Variants in GRM5 observed in about 807,000 individuals in gnomAD.
The protein encoded by GRM5 is glutamate metabotropic receptor 5, also known as metabotropic glutamate receptor 5.
GRM5 carries 19 observed loss-of-function variants against 83.1 expected under a neutral mutation model. The observed-to-expected ratio is 0.23, with a 90% CI of 0.16 to 0.34. The LOEUF (loss-of-function observed/expected upper bound fraction) is 0.34. Among genes scored for constraint, GRM5 ranks in the 10% least tolerant of loss-of-function variants. The probability of loss-of-function intolerance (pLI) is 1.00; values close to 1 mark genes in which losing one functional copy is unlikely to be tolerated. For missense variants in GRM5, 1,160 were observed against 1,588.3 expected (o/e 0.73, Z 4.58); for synonymous variants, 675 against 633.6 (o/e 1.07, Z -0.98).
chr11:88,954,198 T>C (rs938342833), intron 2 of GRM5, among the ~76,000 whole-genome samples: 1 of 152,184 alleles, frequency 6.6e-6, no homozygotes, highest in Non-Finnish European at 1.5e-5. Flanking sequence ...ATACCAGTCA[T>C]GTGGTGCCTT....
chr11:88,714,910 C>G (rs1207540612), intron 3 of GRM5, among the ~76,000 whole-genome samples: 2 of 151,440 alleles, frequency 1.3e-5, no homozygotes, highest in Non-Finnish European at 3.0e-5. Flanking sequence ...GTTTTGGACC[C>G]TAACCTCTGA....
chr11:88,772,799 A>G (rs1001966160), intron 3 of GRM5, among the ~76,000 whole-genome samples: 1 of 152,140 alleles, frequency 6.6e-6, no homozygotes, highest in Non-Finnish European at 1.5e-5. Context: ...TTATGGCTGC[A>G]TAGTATTCCA....
intron 8 of GRM5, among the ~76,000 whole-genome samples, chr11:88,566,723 A>G (rs1295873053): frequency 6.6e-6 from 1 of 152,232 alleles, no homozygotes; most frequent in East Asian, 1.9e-4. Context: ...AACCCACAGT[A>G]TAACTCTGTC....
chr11:89,065,387 T>C (rs561247609), intron 1 of GRM5, among the ~76,000 whole-genome samples: 94 of 147,742 alleles, frequency 6.4e-4, no homozygotes, highest in Middle Eastern at 3.5e-3. Flanking sequence ...GATCTTTATC[T>C]TTTCCTCCTC....
chr11:88,566,962 C>T, intron 8 of GRM5, 91 bp downstream of exon 8: 1 of 798,478 alleles, frequency 1.3e-6, no homozygotes, highest in East Asian at 2.6e-5. Flanking sequence ...TTTCATTTAC[C>T]CAGATTTCTC....
At chr11:88,867,664 C>A (rs779069414) in intron 2 of GRM5, among the ~76,000 whole-genome samples, 3 of 151,428 alleles carry the variant, frequency 2.0e-5, no homozygotes, top group Non-Finnish European at 3.0e-5. Context: ...GGTCCCTAAT[C>A]TAGCTGAATG....
At position 89,047,084 on chromosome 11, in the gene GRM5, A is replaced by C. The variant is rs756437324; in HGVS notation, c.661+128T>G. 1.4e-6 allele frequency: 1 copy of C among 696,984 alleles called. No individual in the cohort carries two copies. Among genetic ancestry groups the C allele is most frequent in the Non-Finnish European group, 2.4e-6 (1 of 409,470 alleles). The allele number at this position is 696,984 out of a possible 1,614,324, so 43.2% of individuals were successfully genotyped here. On this transcript the variant is annotated intron_variant, in intron 2 of 9. Transcript: ENST00000305447. This position sits in a 1 kb window ranked among gnomAD's most constrained non-coding sequence, Gnocchi z 5.1. ...TATATGCCATCCAGTCTGTTCTTAT[A>C]GTACTGGTATAACTCGGACAATTCA...
At chr11:88,814,428 A>C (rs1943635619) in intron 3 of GRM5, among the ~76,000 whole-genome samples, 1 of 152,208 alleles carries the variant, frequency 6.6e-6, no homozygotes, top group Non-Finnish European at 1.5e-5. Flanking sequence ...ATACAGTCTG[A>C]AAGTATTGAA....
chr11:88,707,149 G>C (rs1156380637), intron 3 of GRM5, among the ~76,000 whole-genome samples: 1 of 151,836 alleles, frequency 6.6e-6, no homozygotes, highest in East Asian at 1.9e-4. Flanking sequence ...GAGTGTATGG[G>C]GTTCACTCCT....
chr11:88,854,110 TA>T (rs1944432634), intron 2 of GRM5, among the ~76,000 whole-genome samples: 1 of 145,602 alleles, frequency 6.9e-6, no homozygotes. Flanking sequence ...CTAAAAACCC[TA>T]AAAAATGGGT....
chr11:89,048,545 A>G (rs528908733), intron 1 of GRM5, among the ~76,000 whole-genome samples: 2 of 152,364 alleles, frequency 1.3e-5, no homozygotes, highest in South Asian at 4.1e-4. Context: ...GTAATTAATT[A>G]TGCAATTACA....
At chr11:88,850,894 G>A (rs566802140) in intron 2 of GRM5, among the ~76,000 whole-genome samples, 1 of 152,014 alleles carries the variant, frequency 6.6e-6, no homozygotes, top group Non-Finnish European at 1.5e-5. Flanking sequence ...GATTAATATT[G>A]ACAGTCAGCT....
intron 2 of GRM5, among the ~76,000 whole-genome samples, chr11:88,906,191 C>T (rs1448749311): frequency 6.6e-6 from 1 of 152,142 alleles, no homozygotes; most frequent in African/African-American, 2.4e-5. Context: ...TGGTTACTGG[C>T]TTCTTAATTT....
At chr11:89,008,441 C>T (rs1420196827) in intron 2 of GRM5, among the ~76,000 whole-genome samples, 1 of 152,062 alleles carries the variant, frequency 6.6e-6, no homozygotes, top group Non-Finnish European at 1.5e-5. Flanking sequence ...TTTTACCACA[C>T]AGTCTGTATT....
Position 88,655,726 on chromosome 11 carries a change from C to G in GRM5, c.912-2323G>C, listed in dbSNP as rs1939750806. On this transcript the variant is annotated intron_variant, in intron 3 of 9. Coordinates refer to ENST00000305447, the MANE Select transcript of GRM5 (RefSeq NM_001143831.3). ...TCTGTAAGTTTAATAACTTAGAAAA[C>G]TATGATGTTTTATTATTAGCCTTAT... Among the ~76,000 whole-genome samples the G allele has an allele frequency of 2.0e-5, 3 of 147,246 alleles. No homozygotes were observed. In the South Asian group the frequency reaches 6.5e-4, roughly 32 times the overall value.
intron 3 of GRM5, among the ~76,000 whole-genome samples, chr11:88,842,889 A>T (rs1458271726): frequency 1.3e-5 from 2 of 152,178 alleles, no homozygotes; most frequent in Non-Finnish European, 2.9e-5. Flanking sequence ...TTTGAAATGT[A>T]CCTGAACTCC....
At chr11:88,695,652 C>A (rs1336203078) in intron 3 of GRM5, among the ~76,000 whole-genome samples, 1 of 152,144 alleles carries the variant, frequency 6.6e-6, no homozygotes, top group African/African-American at 2.4e-5. Flanking sequence ...CTTCCAAATA[C>A]AATGGTCCTG....
intron 2 of GRM5, among the ~76,000 whole-genome samples, chr11:88,995,674 A>G (rs879645854): frequency 6.6e-6 from 1 of 152,066 alleles, no homozygotes; most frequent in Non-Finnish European, 1.5e-5. Context: ...CTTGACAACT[A>G]TGATGGCTGC....
At chr11:88,885,921 C>T (rs1415486123) in intron 2 of GRM5, among the ~76,000 whole-genome samples, 1 of 152,152 alleles carries the variant, frequency 6.6e-6, no homozygotes, top group Non-Finnish European at 1.5e-5. Context: ...TTCTTCCCTT[C>T]TCTGCCAGCC....
Sources: gnomAD v4.1 joint callset for allele counts (sites outside exome capture counted in the v4.1 genomes callset) on GRCh38, gnomAD v4.1.1 for gene constraint, Gnocchi (gnomAD v3.1) non-coding constraint, MANE v1.5 for transcripts, NCBI Gene and HGNC (gene_info 2026-07-23, HGNC 2026-07-21) for gene names.